The following ST6GALNAC3 variants were observed in gnomAD, a reference collection of about 807,000 sequenced individuals.
ST6GALNAC3 encodes alpha-N-acetylgalactosaminide alpha-2,6-sialyltransferase 3.
ST6GALNAC3 carries 25 observed loss-of-function variants against 32.7 expected under a neutral mutation model. The ratio of observed to expected loss-of-function variants is 0.76; its 90% CI spans 0.56 to 1.07. ST6GALNAC3 has a LOEUF of 1.07. Among genes scored for constraint, ST6GALNAC3 ranks in the 50% least tolerant of loss-of-function variants. ST6GALNAC3 has a pLI of 0.00. For synonymous variants in ST6GALNAC3, 129 were observed against 133.1 expected (o/e 0.97, Z 0.21); for missense variants, 355 against 382.4 (o/e 0.93, Z 0.60).
At chr1:76,516,782 G>A (rs1400755165) in intron 3 of ST6GALNAC3, among the ~76,000 whole-genome samples, 2 of 151,956 alleles carry the variant, frequency 1.3e-5, no homozygotes, top group Non-Finnish European at 2.9e-5. Flanking sequence ...CTTGTAAATG[G>A]TCCTTTGTTC....
At chr1:76,101,954 CTA>C (rs1271350233) in intron 1 of ST6GALNAC3, among the ~76,000 whole-genome samples, 2 of 152,110 alleles carry the variant, frequency 1.3e-5, no homozygotes, top group African/African-American at 2.4e-5. Context: ...AGTATATCCT[CTA>C]TTTGTTGAGT....
At chr1:76,120,724 G>C (rs931189887) in intron 1 of ST6GALNAC3, among the ~76,000 whole-genome samples, 2 of 152,152 alleles carry the variant, frequency 1.3e-5, no homozygotes, top group Non-Finnish European at 2.9e-5. Flanking sequence ...CCCAACTCCT[G>C]CTCTTTCTCT....
chr1:76,080,751 A>T (rs1342908781), intron 1 of ST6GALNAC3, among the ~76,000 whole-genome samples: 4 of 152,170 alleles, frequency 2.6e-5, no homozygotes, highest in African/African-American at 9.6e-5. Context: ...CTGGAAAGCC[A>T]CAGGGACTTC....
chr1:76,075,869 C>T (rs971009937), intron 1 of ST6GALNAC3, among the ~76,000 whole-genome samples: 1 of 152,182 alleles, frequency 6.6e-6, no homozygotes, highest in Non-Finnish European at 1.5e-5. Flanking sequence ...TACCAGGAAA[C>T]AATTCGTTGT....
intron 3 of ST6GALNAC3, among the ~76,000 whole-genome samples, chr1:76,497,274 G>A (rs1331205092): frequency 1.3e-5 from 2 of 152,116 alleles, no homozygotes; most frequent in Non-Finnish European, 2.9e-5. Flanking sequence ...GGGGCCACAG[G>A]AGAAGCCTGA....
intron 3 of ST6GALNAC3, among the ~76,000 whole-genome samples, chr1:76,499,289 T>C (rs1343675610): frequency 1.3e-5 from 2 of 152,216 alleles, no homozygotes; most frequent in Non-Finnish European, 2.9e-5. Context: ...GCAGTATTTA[T>C]TGTAACCTAT....
rs180965712 is a variant in ST6GALNAC3 at position 76,419,306 on chromosome 1, A to G, written c.623+6889A>G. ...GAAAAAATTATACTGTATAGAAAAA[A>G]AATCCCAGTAGACATGTATGCTCAA... On this transcript the variant is annotated intron_variant, in intron 3 of 4. Coordinates refer to ENST00000328299, the MANE Select transcript of ST6GALNAC3 (RefSeq NM_152996.4). Among the ~76,000 whole-genome samples, 335 of 152,256 alleles carry G rather than the reference A, an allele frequency of 2.2e-3. 1 individual carries two copies. Among genetic ancestry groups the G allele is most frequent in the African/African-American group, 7.7e-3 (322 of 41,562 alleles).
At chr1:76,293,025 A>C (rs1405453557) in intron 1 of ST6GALNAC3, among the ~76,000 whole-genome samples, 1 of 152,122 alleles carries the variant, frequency 6.6e-6, no homozygotes, top group African/African-American at 2.4e-5. Context: ...TAGTTCCCTA[A>C]ATTAATTATT....
chr1:76,574,807 G>A (rs1396754944), intron 3 of ST6GALNAC3, among the ~76,000 whole-genome samples: 1 of 152,100 alleles, frequency 6.6e-6, no homozygotes, highest in Non-Finnish European at 1.5e-5. Context: ...CCAGTAGCAT[G>A]TGGAAGAATG....
chr1:76,396,998 C>G (rs1227982161), intron 2 of ST6GALNAC3, among the ~76,000 whole-genome samples: 1 of 152,062 alleles, frequency 6.6e-6, no homozygotes, highest in East Asian at 1.9e-4. Flanking sequence ...TTCATTAAAG[C>G]AGTAAAAATA....
At chr1:76,141,720 G>A (rs1650337428) in intron 1 of ST6GALNAC3, among the ~76,000 whole-genome samples, 1 of 152,044 alleles carries the variant, frequency 6.6e-6, no homozygotes, top group Non-Finnish European at 1.5e-5. Flanking sequence ...CCTCCCATCT[G>A]GAAATGAAAA....
At chr1:76,520,305 T>C (rs1053885276) in intron 3 of ST6GALNAC3, among the ~76,000 whole-genome samples, 1 of 152,192 alleles carries the variant, frequency 6.6e-6, no homozygotes, top group Non-Finnish European at 1.5e-5. Context: ...TCTATAAGGA[T>C]AGGTCATAGC....
chr1:76,176,075 G>A (rs1652830342), intron 1 of ST6GALNAC3, among the ~76,000 whole-genome samples: 2 of 152,034 alleles, frequency 1.3e-5, no homozygotes, highest in South Asian at 4.1e-4. Context: ...TCACAGTTTA[G>A]GGTGAATTCT....
chr1:76,390,679 T>C (rs1358463848), intron 2 of ST6GALNAC3, among the ~76,000 whole-genome samples: 3 of 152,124 alleles, frequency 2.0e-5, no homozygotes, highest in Non-Finnish European at 2.9e-5. Context: ...CCCAAACCAT[T>C]GTGTACCTCA....
intron 3 of ST6GALNAC3, among the ~76,000 whole-genome samples, chr1:76,531,922 G>A (rs991147312): frequency 6.6e-6 from 1 of 152,110 alleles, no homozygotes; most frequent in African/African-American, 2.4e-5. Flanking sequence ...GGAAAGTGAA[G>A]GAAAGGCCTG....
intron 1 of ST6GALNAC3, among the ~76,000 whole-genome samples, chr1:76,177,323 T>C (rs975180866): frequency 6.6e-6 from 1 of 152,160 alleles, no homozygotes; most frequent in African/African-American, 2.4e-5. Context: ...TGTTTTGGAC[T>C]CAGGATGTGT....
intron 3 of ST6GALNAC3, among the ~76,000 whole-genome samples, chr1:76,498,512 AAACC>A (rs1282292629): frequency 6.6e-6 from 1 of 152,170 alleles, no homozygotes; most frequent in East Asian, 1.9e-4. Flanking sequence ...GTTTTTTAGG[AAACC>A]TCTAAACTTG....
At chr1:76,230,876 GTTATT>G (rs1484101031) in intron 1 of ST6GALNAC3, among the ~76,000 whole-genome samples, 1 of 152,160 alleles carries the variant, frequency 6.6e-6, no homozygotes, top group Non-Finnish European at 1.5e-5. Flanking sequence ...CTTTACTTCT[GTTATT>G]TTAAGTGTTA....
chr1:76,400,422 T>C (rs1014363394), intron 2 of ST6GALNAC3, among the ~76,000 whole-genome samples: 6 of 152,166 alleles, frequency 3.9e-5, no homozygotes, highest in African/African-American at 1.4e-4. Flanking sequence ...CATTTTTACT[T>C]GAAATATAAC....
Sources: gnomAD v4.1 joint callset for allele counts (sites outside exome capture counted in the v4.1 genomes callset) on GRCh38, gnomAD v4.1.1 for gene constraint, MANE v1.5 for transcripts, NCBI Gene and HGNC (gene_info 2026-07-23, HGNC 2026-07-21) for gene names.